CNGB1: variants seen among roughly 807,000 people sequenced by gnomAD.
The protein encoded by CNGB1 is cyclic nucleotide gated channel subunit beta 1, also known as cyclic nucleotide-gated channel beta-1.
CNGB1 carries 126 observed loss-of-function variants against 151.7 expected under a neutral mutation model. The ratio of observed to expected loss-of-function variants is 0.83; its 90% CI spans 0.72 to 0.96. The LOEUF is 0.96. CNGB1 is among the 40% of genes least tolerant of loss of function. The pLI is 0.00. For missense variants in CNGB1, 1,698 were observed against 1,627.0 expected, an observed-to-expected ratio of 1.04 and a Z score of -0.75; for synonymous variants, 623 against 635.1, an observed-to-expected ratio of 0.98 and a Z score of 0.29.
chr16:57,955,718 C>T (rs1962067734), intron 12 of CNGB1, among the ~76,000 whole-genome samples: 1 of 152,154 alleles, frequency 6.6e-6, no homozygotes, highest in Non-Finnish European at 1.5e-5. Flanking sequence ...TTGACACACA[C>T]AGACACAGAG....
At chr16:57,910,802 T>C (rs1383328658) in intron 25 of CNGB1, among the ~76,000 whole-genome samples, 6 of 151,926 alleles carry the variant, frequency 3.9e-5, no homozygotes, top group African/African-American at 1.2e-4. Context: ...CATGTATTGA[T>C]TGATGTATCC....
intron 32 of CNGB1, among the ~76,000 whole-genome samples, chr16:57,886,078 C>A (rs1596943765): frequency 1.3e-5 from 2 of 152,140 alleles, no homozygotes; most frequent in Admixed American, 1.3e-4. Flanking sequence ...ATCTTTATGA[C>A]CTCATGAGGC....
At position 57,940,252 on chromosome 16, in the gene CNGB1, G is replaced by A; in HGVS notation, c.1191C>T (p.Pro397=). The part of the protein sequence containing the change: ...VGQSEEDGTR[P]QSTSDQKLWE... ...CTCATACCTGATCTGAAGTGCTCTG[G>A]GGCCGGGTCCCGTCTTCTTCACTCT... Residue 397 remains proline (P), a synonymous_variant, in exon 15 of 33, where the codon CCC becomes CCT. Transcript: ENST00000251102. 6.4e-7 allele frequency: 1 copy of A among 1,572,190 alleles called. No homozygotes were observed. The highest frequency in any genetic ancestry group is 8.6e-7 in the Non-Finnish European group (1 of 1,158,736).
chr16:57,885,521 CCTT>C (rs1251613711), intron 32 of CNGB1, among the ~76,000 whole-genome samples: 2 of 148,814 alleles, frequency 1.3e-5, no homozygotes, highest in East Asian at 4.0e-4. Flanking sequence ...TTCCTTCCTT[CCTT>C]TTTTCCTTCC....
chr16:57,954,676 T>C, intron 12 of CNGB1: 1 of 983,918 alleles, frequency 1.0e-6, no homozygotes. Flanking sequence ...AATCACAGGT[T>C]TGATGTGCTC....
chr16:57,933,724 CTTT>C (rs5817126), intron 16 of CNGB1, among the ~76,000 whole-genome samples: 12 of 119,578 alleles, frequency 1.0e-4, no homozygotes, highest in Non-Finnish European at 1.3e-4. Context: ...CTTTTCTTTT[CTTT>C]TTTTTTTTTT....
chr16:57,930,924 C>T (rs146048645), intron 17 of CNGB1, among the ~76,000 whole-genome samples: 126 of 151,440 alleles, frequency 8.3e-4, no homozygotes, highest in Middle Eastern at 6.8e-3. Context: ...TCATGCAAGA[C>T]GAAAAATTCT....
intron 1 of CNGB1, among the ~76,000 whole-genome samples, chr16:57,969,682 C>A (rs1393114668): frequency 4.6e-5 from 7 of 152,290 alleles, no homozygotes; most frequent in Middle Eastern, 3.4e-3. Flanking sequence ...CCAGGTAAGA[C>A]TTTTTTCATG....
intron 16 of CNGB1, among the ~76,000 whole-genome samples, chr16:57,938,142 A>G (rs1056590286): frequency 2.6e-5 from 4 of 152,124 alleles, no homozygotes; most frequent in African/African-American, 9.7e-5. Context: ...ATGCCTCAGC[A>G]TTTCTCAGAG....
At chr16:57,931,913 G>C (rs780961650) in intron 16 of CNGB1, 35 bp from the exon 17 acceptor site, 2 of 1,612,366 alleles carry the variant, frequency 1.2e-6, no homozygotes, top group Non-Finnish European at 1.7e-6. Flanking sequence ...AAGTCAGAGA[G>C]AGACAAAAGC....
chr16:57,943,759 T>C (rs1029532683), intron 14 of CNGB1, among the ~76,000 whole-genome samples: 1 of 152,202 alleles, frequency 6.6e-6, no homozygotes, highest in Non-Finnish European at 1.5e-5. Context: ...ACAGCCATTA[T>C]GGAAAAGAAT....
intron 12 of CNGB1, chr16:57,954,946 A>C: frequency 3.7e-6 from 4 of 1,069,444 alleles, no homozygotes; most frequent in Non-Finnish European, 4.5e-6. Context: ...ACAGGGTCTC[A>C]CTGTGTTGCC....
chr16:57,953,286 A>C (rs542695736), intron 12 of CNGB1, among the ~76,000 whole-genome samples: 34 of 152,216 alleles, frequency 2.2e-4, no homozygotes, highest in Admixed American at 4.6e-4. Flanking sequence ...CATGAGGTCA[A>C]GAGATCGAGA....
chr16:57,889,003 C>T (rs1208613508), intron 31 of CNGB1, among the ~76,000 whole-genome samples: 2 of 152,148 alleles, frequency 1.3e-5, no homozygotes, highest in African/African-American at 2.4e-5. Flanking sequence ...CTGGTGTTCA[C>T]GCCTCTGTGT....
At position 57,884,015 on chromosome 16, in the gene CNGB1, C is replaced by T. The variant is rs890225271; in HGVS notation, c.*149G>A. 5 of 1,103,256 alleles carry T rather than the reference C, an allele frequency of 4.5e-6. No homozygotes were observed. Among genetic ancestry groups the T allele is most frequent in the Admixed American group, 2.0e-5 (1 of 49,496 alleles). The allele number at this position is 1,103,256 out of a possible 1,614,324, so 68.3% of individuals were successfully genotyped here. A position where few individuals can be genotyped will look rare whatever the true frequency, so the allele number is the denominator to read the frequency against. ...AGTCGGGGCTGGCGTGCTGGCGGGACGGTCAGAGCTGCAGCCACTGAGGTC... is the reference window on the plus strand; with the variant it reads ...AGTCGGGGCTGGCGTGCTGGCGGGATGGTCAGAGCTGCAGCCACTGAGGTC... On this transcript the variant is annotated 3_prime_UTR_variant, in exon 33 of 33. Transcript: ENST00000251102.
chr16:57,923,645 T>C (rs1409568711), intron 17 of CNGB1, among the ~76,000 whole-genome samples: 2 of 152,334 alleles, frequency 1.3e-5, no homozygotes, highest in East Asian at 3.9e-4. Context: ...ACCCCAGTCC[T>C]GCCTCTTACC....
chr16:57,886,630 C>T (rs1435457380), intron 32 of CNGB1, among the ~76,000 whole-genome samples: 1 of 152,164 alleles, frequency 6.6e-6, no homozygotes, highest in Non-Finnish European at 1.5e-5. Flanking sequence ...GTTCACTGGG[C>T]TCCTTTGAAC....
At chr16:57,900,835 C>T (rs1277923167) in intron 29 of CNGB1, among the ~76,000 whole-genome samples, 1 of 151,580 alleles carries the variant, frequency 6.6e-6, no homozygotes, top group Non-Finnish European at 1.5e-5. Flanking sequence ...GGTTGGGGAC[C>T]AATTCAACAT....
At chr16:57,964,276 A>C (rs1962333660) in intron 3 of CNGB1, 74 bp from the exon 4 acceptor site, 1 of 1,525,314 alleles carries the variant, frequency 6.6e-7, no homozygotes, top group African/African-American at 1.4e-5. Flanking sequence ...GGGGAGATCA[A>C]GTCAGGGGAG....
Sources: allele counts gnomAD v4.1 joint callset (sites outside exome capture counted in the v4.1 genomes callset), GRCh38; gene constraint gnomAD v4.1.1; transcripts MANE v1.5; gene names NCBI Gene and HGNC (gene_info 2026-07-23, HGNC 2026-07-21).